SCAPER: variants seen among roughly 807,000 people sequenced by gnomAD.
SCAPER encodes S phase cyclin A-associated protein in the endoplasmic reticulum.
A neutral mutation model predicts 182.2 loss-of-function variants in SCAPER; 98 were observed. That is an observed-to-expected ratio of 0.54 (90% CI 0.46 to 0.64). The LOEUF (loss-of-function observed/expected upper bound fraction) is 0.64. Ranked by LOEUF, SCAPER falls within the 30% of genes least tolerant of loss-of-function variation. SCAPER has a pLI of 0.00. For missense variants in SCAPER, 1,432 were observed against 1,690.0 expected, an observed-to-expected ratio of 0.85 and a Z score of 2.68; for synonymous variants, 605 against 564.6, an observed-to-expected ratio of 1.07 and a Z score of -1.01.
At chr15:76,492,733 G>T (rs933551365) in intron 24 of SCAPER, among the ~76,000 whole-genome samples, 3 of 152,052 alleles carry the variant, frequency 2.0e-5, no homozygotes, top group Non-Finnish European at 2.9e-5. Flanking sequence ...ATAAGAAAAT[G>T]TCCTCTCAGC....
rs747096625 is a variant in SCAPER, at chr15:76,497,989, CAAAAAA to C, written c.2954+6864_2954+6869del. ...CTGGTGATGGAGCGAGACTCCGTCT[CAAAAAA>C]AAAAAAAAAAAAAAAAAAAAAAAAA... On this transcript the variant is annotated intron_variant, in intron 24 of 31. Coordinates refer to ENST00000563290, the MANE Select transcript of SCAPER (RefSeq NM_020843.4). Among the ~76,000 whole-genome samples, 153 of 58,308 alleles carry C rather than the reference CAAAAAA, an allele frequency of 2.6e-3. 1 individual carries two copies. The highest frequency in any genetic ancestry group is 9.3e-3 in the African/African-American group (147 of 15,766). The allele number at this position is 58,308 out of a possible 152,430, so 38.3% of individuals were successfully genotyped here.
At chr15:76,894,476 C>T (rs1056082167) in intron 1 of SCAPER, among the ~76,000 whole-genome samples, 2 of 152,102 alleles carry the variant, frequency 1.3e-5, no homozygotes, top group East Asian at 3.9e-4. Context: ...CTCAGATAAA[C>T]AACCTAAGTT....
chr15:76,797,883 TCTCCAAAGA>T (rs2065442919), intron 7 of SCAPER, among the ~76,000 whole-genome samples: 1 of 149,606 alleles, frequency 6.7e-6, no homozygotes, highest in Admixed American at 6.7e-5. Context: ...AGCTATCTGA[TCTCCAAAGA>T]TGTCACATTT....
intron 2 of SCAPER, among the ~76,000 whole-genome samples, chr15:76,872,288 T>C (rs945806318): frequency 1.3e-5 from 2 of 151,948 alleles, no homozygotes; most frequent in African/African-American, 2.4e-5. Context: ...GAAAAAAAAT[T>C]TGAAAGGGAA....
At chr15:76,542,675 A>G (rs2044874675) in intron 23 of SCAPER, among the ~76,000 whole-genome samples, 5 of 152,094 alleles carry the variant, frequency 3.3e-5, no homozygotes. Flanking sequence ...TAGCTTATTA[A>G]AGAAAAAGGA....
intron 10 of SCAPER, 68 bp from the exon 11 acceptor site, chr15:76,767,156 T>C (rs1329013133): frequency 4.2e-5 from 57 of 1,363,254 alleles, no homozygotes; most frequent in Non-Finnish European, 5.1e-5. Flanking sequence ...TCATTTTTTA[T>C]GTTCTAACAT....
intron 2 of SCAPER, among the ~76,000 whole-genome samples, chr15:76,867,778 A>G (rs1013792311): frequency 7.2e-5 from 11 of 152,236 alleles, no homozygotes; most frequent in Non-Finnish European, 1.3e-4. Flanking sequence ...CAGAGACTAC[A>G]ATATGCATCA....
intron 14 of SCAPER, among the ~76,000 whole-genome samples, chr15:76,763,422 C>A (rs971075465): frequency 6.6e-6 from 1 of 152,010 alleles, no homozygotes; most frequent in African/African-American, 2.4e-5. Flanking sequence ...AATTCTGTCT[C>A]TTGAGTTTTG....
At chr15:76,426,478 G>T (rs897387210) in intron 26 of SCAPER, among the ~76,000 whole-genome samples, 25 of 152,244 alleles carry the variant, frequency 1.6e-4, no homozygotes, top group African/African-American at 5.1e-4. Flanking sequence ...CGTCTTCTGC[G>T]TCGCTCATGC....
chr15:76,429,947 G>A (rs903218272), intron 26 of SCAPER, among the ~76,000 whole-genome samples: 1 of 152,234 alleles, frequency 6.6e-6, no homozygotes, highest in South Asian at 2.1e-4. Flanking sequence ...ATGGTTTAGT[G>A]GGGCAGGCTC....
rs755436244 is a variant in SCAPER, at chr15:76,668,135, T to C, written c.2509-2346A>G. On this transcript the variant is annotated intron_variant, in intron 20 of 31. Coordinates refer to ENST00000563290, the MANE Select transcript of SCAPER (RefSeq NM_020843.4). ...GTAAACGGTACCATCATTTGCATAATTGCTCACATCCAATACATCAGCAAA... is the reference window on the plus strand; with the variant it reads ...GTAAACGGTACCATCATTTGCATAACTGCTCACATCCAATACATCAGCAAA... Among the ~76,000 whole-genome samples, 4 of 152,172 alleles carry C rather than the reference T, an allele frequency of 2.6e-5. 1 individual carries two copies. The highest frequency in any genetic ancestry group is 3.9e-4 in the East Asian group (2 of 5,194).
intron 2 of SCAPER, among the ~76,000 whole-genome samples, chr15:76,879,426 T>C (rs2151946613): frequency 6.6e-6 from 1 of 152,320 alleles, no homozygotes; most frequent in South Asian, 2.1e-4. Context: ...GGTGAGCATG[T>C]GACCTAAGGT....
intron 17 of SCAPER, among the ~76,000 whole-genome samples, chr15:76,710,823 A>G (rs1221929473): frequency 6.6e-6 from 1 of 152,142 alleles, no homozygotes; most frequent in Non-Finnish European, 1.5e-5. Flanking sequence ...TATTTATACT[A>G]ATTTCAAAAT....
intron 4 of SCAPER, among the ~76,000 whole-genome samples, chr15:76,849,701 C>T (rs941369255): frequency 1.8e-4 from 27 of 152,226 alleles, no homozygotes; most frequent in African/African-American, 5.8e-4. Flanking sequence ...TTAAGCACCA[C>T]CTACTGGATC....
At chr15:76,783,665 G>A (rs2064341723) in intron 8 of SCAPER, among the ~76,000 whole-genome samples, 1 of 152,134 alleles carries the variant, frequency 6.6e-6, no homozygotes, top group African/African-American at 2.4e-5. Flanking sequence ...GAATCCAGCA[G>A]CACATCAAAA....
At chr15:76,645,757 A>C (rs1352609987) in intron 21 of SCAPER, among the ~76,000 whole-genome samples, 3 of 152,164 alleles carry the variant, frequency 2.0e-5, no homozygotes, top group Non-Finnish European at 4.4e-5. Flanking sequence ...ATCATGTTCT[A>C]TACACTTTTG....
chr15:76,812,099 A>G (rs964963009), intron 5 of SCAPER, among the ~76,000 whole-genome samples: 1 of 152,140 alleles, frequency 6.6e-6, no homozygotes, highest in Non-Finnish European at 1.5e-5. Context: ...AGATCACTTG[A>G]GGTCAGGAGT....
intron 20 of SCAPER, among the ~76,000 whole-genome samples, chr15:76,672,463 C>A (rs189583345): frequency 6.6e-6 from 1 of 151,788 alleles, no homozygotes; most frequent in Non-Finnish European, 1.5e-5. Context: ...GAAACACACA[C>A]AAAAAATGAT....
At chr15:76,475,903 C>CA (rs1567218714) in intron 24 of SCAPER, among the ~76,000 whole-genome samples, 5 of 152,050 alleles carry the variant, frequency 3.3e-5, no homozygotes, top group Admixed American at 3.3e-4. Flanking sequence ...TATGCCAAAA[C>CA]AAAAAAAGTG....
Sources: allele counts gnomAD v4.1 joint callset (sites outside exome capture counted in the v4.1 genomes callset), GRCh38; gene constraint gnomAD v4.1.1; transcripts MANE v1.5; gene names NCBI Gene and HGNC (gene_info 2026-07-23, HGNC 2026-07-21).